CHD2: variants seen among roughly 807,000 people sequenced by gnomAD.
CHD2 encodes chromodomain helicase DNA binding protein 2, also known as ATP-dependent chromatin remodeler CHD2.
In CHD2, 28 loss-of-function variants were observed where a neutral mutation model predicts 243.9. The ratio of observed to expected loss-of-function variants is 0.11; its 90% CI spans 0.09 to 0.16. CHD2 has a LOEUF of 0.16. Among genes scored for constraint, CHD2 ranks in the 10% least tolerant of loss-of-function variants. The pLI is 1.00. For synonymous variants in CHD2, 775 were observed against 779.0 expected (o/e 0.99, Z 0.09); for missense variants, 1,386 against 2,209.8 (o/e 0.63, Z 7.47).
chr15:92,962,672 G>A (rs902774780), intron 16 of CHD2, among the ~76,000 whole-genome samples: 12 of 150,392 alleles, frequency 8.0e-5, no homozygotes, highest in Admixed American at 7.3e-4. Flanking sequence ...TGTTAATGGT[G>A]TTGTTCAAGA....
intron 32 of CHD2, among the ~76,000 whole-genome samples, chr15:93,001,673 C>T (rs1426949996): frequency 6.6e-6 from 1 of 152,172 alleles, no homozygotes; most frequent in Admixed American, 6.5e-5. Flanking sequence ...CCTGCCACCA[C>T]ACCTGGCTAG....
chr15:92,992,968 G>A lies in CHD2; in HGVS notation c.3565G>A (p.Glu1189Lys). ...NSCVSAMQEYEEQLKENASEG... is the reference protein window; with the variant it reads ...NSCVSAMQEYKEQLKENASEG... ...CTGTGTGTCAGCAATGCAGGAATAC[G>A]AAGAGCAGCTGAAAGAAAATGCCAG... The change falls in exon 28 of 39, where the codon GAA becomes AAA. Residue 1189 changes from glutamate (E) to lysine (K), a missense_variant. This residue lies in a region of CHD2 where 99 missense variants were observed against 176.9 expected (regional missense o/e 0.56). Coordinates refer to ENST00000394196, the MANE Select transcript of CHD2 (RefSeq NM_001271.4). 6.2e-7 allele frequency: 1 copy of A among 1,613,954 alleles called. No homozygotes were observed.
At chr15:92,992,175 A>G (rs1033064442) in intron 27 of CHD2, among the ~76,000 whole-genome samples, 2 of 152,196 alleles carry the variant, frequency 1.3e-5, no homozygotes, top group Non-Finnish European at 2.9e-5. Context: ...TGAAAATTAC[A>G]AGCCTGTTTT....
intron 2 of CHD2, among the ~76,000 whole-genome samples, chr15:92,913,080 T>C (rs1209233361): frequency 6.6e-6 from 1 of 152,230 alleles, no homozygotes; most frequent in Non-Finnish European, 1.5e-5. Flanking sequence ...GGGTGCTTGT[T>C]CAACATATTC....
At chr15:92,943,149 C>A in intron 9 of CHD2, 81 bp downstream of exon 9, 1 of 1,069,438 alleles carries the variant, frequency 9.4e-7, no homozygotes, top group South Asian at 1.5e-5. Flanking sequence ...ATGGAGATCA[C>A]AGCTATCTAG....
At chr15:92,932,443 T>TCCCCCCCCCCCC (rs11309319) in intron 5 of CHD2, among the ~76,000 whole-genome samples, 2 of 103,292 alleles carry the variant, frequency 1.9e-5, no homozygotes, top group Non-Finnish European at 3.8e-5. Context: ...CCCTTCCCCC[T>TCCCCCCCCCCCC]CCCCCCCACC....
intron 25 of CHD2, 140 bp downstream of exon 25, chr15:92,984,640 TAAC>T (rs2054018250): frequency 2.8e-6 from 2 of 718,658 alleles, no homozygotes; most frequent in Non-Finnish European, 4.0e-6. Context: ...GTAGGAAACT[TAAC>T]AAAGGAAAGT....
Position 92,998,076 on chromosome 15 carries a change from T to A in CHD2, c.3886-423T>A. ...TTGTTGTAGCAAGGAACAGATCATG[T>A]CCTGGCGTAGCTCAGTGCTCTCCGG... On this transcript the variant is annotated intron_variant, in intron 30 of 38. Transcript: ENST00000394196. This position sits in a 1 kb window ranked among gnomAD's most constrained non-coding sequence, Gnocchi z 5.1. The A allele has an allele frequency of 1.9e-6, 1 of 539,906 alleles. No homozygotes were observed. The highest frequency in any genetic ancestry group is 2.4e-6 in the Non-Finnish European group (1 of 418,670). 33.4% of individuals were successfully genotyped at this position (539,906 alleles called of 1,614,324 possible). A position where few individuals can be genotyped will look rare whatever the true frequency, so the allele number is the denominator to read the frequency against.
At chr15:92,928,280 T>C (rs894132584) in intron 4 of CHD2, among the ~76,000 whole-genome samples, 4 of 152,262 alleles carry the variant, frequency 2.6e-5, no homozygotes, top group African/African-American at 9.6e-5. Context: ...TACTGAGCCA[T>C]GTTTGTTAAA....
chr15:92,915,162 A>G (rs537221208), intron 2 of CHD2, among the ~76,000 whole-genome samples: 85 of 152,324 alleles, frequency 5.6e-4, no homozygotes, highest in Middle Eastern at 3.4e-3. Flanking sequence ...TGCTGAGAGC[A>G]CTGCTGAATC....
At chr15:92,910,146 A>ACAGG (rs1254467238) in intron 2 of CHD2, among the ~76,000 whole-genome samples, 4 of 152,194 alleles carry the variant, frequency 2.6e-5, no homozygotes, top group African/African-American at 9.6e-5. Flanking sequence ...AGCTGGGACT[A>ACAGG]CAGGCACATG....
chr15:92,909,783 C>T (rs2052694132), intron 2 of CHD2, among the ~76,000 whole-genome samples: 2 of 151,918 alleles, frequency 1.3e-5, no homozygotes, highest in African/African-American at 4.8e-5. Context: ...TCCGAAAGTG[C>T]TGGGATTACA....
rs1369648225 is a variant in CHD2, at chr15:93,003,389, A to G, written c.4278+1072A>G. Among the ~76,000 whole-genome samples the G allele has an allele frequency of 2.6e-5, 4 of 152,036 alleles. No homozygotes were observed. In the East Asian group the frequency reaches 5.8e-4, roughly 22 times the overall value. ...ATTTCCCATTTTGAAATACTTTCTA[A>G]TTTTTGATGTTAATAGACCATACTG... On this transcript the variant is annotated intron_variant, in intron 33 of 38. Transcript: ENST00000394196.
rs2053325669 is a variant in CHD2, at chr15:92,939,672, G to A, written c.646G>A (p.Glu216Lys). ...DSSDEDDDDD[E>K]APKRQTRRRA... ...TTCTGATGAGGATGATGATGATGAC[G>A]AAGCTCCCAAAAGGCAGACTCGTCG... Residue 216 changes from glutamate (E) to lysine (K), a missense_variant, in exon 7 of 39, where the codon GAA becomes AAA. Glu to Lys is a moderately conservative substitution (Grantham distance 56). Coordinates refer to ENST00000394196, the MANE Select transcript of CHD2 (RefSeq NM_001271.4). 3 of 1,614,096 alleles carry A rather than the reference G, an allele frequency of 1.9e-6. No individual in the cohort carries two copies. The highest frequency in any genetic ancestry group is 2.5e-6 in the Non-Finnish European group (3 of 1,180,022).
intron 32 of CHD2, among the ~76,000 whole-genome samples, chr15:93,001,648 C>A (rs1375870882): frequency 6.6e-6 from 1 of 152,062 alleles, no homozygotes; most frequent in Admixed American, 6.6e-5. Flanking sequence ...TCCCAAATAG[C>A]TAGGATTACA....
chr15:93,007,102 C>T (rs1324467711), intron 34 of CHD2, among the ~76,000 whole-genome samples: 1 of 152,184 alleles, frequency 6.6e-6, no homozygotes, highest in Non-Finnish European at 1.5e-5. Context: ...TACACATCTG[C>T]CACTTTATTA....
chr15:93,021,991 C>G (rs1162091033), intron 38 of CHD2: 2 of 152,140 alleles, frequency 1.3e-5, no homozygotes, highest in Non-Finnish European at 2.9e-5. Context: ...TTTCCTTTTT[C>G]AGGTCTTGCT....
chr15:92,925,363 T>C (rs1373349278), intron 3 of CHD2, among the ~76,000 whole-genome samples: 1 of 152,218 alleles, frequency 6.6e-6, no homozygotes, highest in African/African-American at 2.4e-5. Context: ...AGATTTTTCA[T>C]GGAGGAGTTG....
intron 16 of CHD2, among the ~76,000 whole-genome samples, chr15:92,964,553 C>A (rs2053730922): frequency 1.3e-5 from 2 of 152,200 alleles, no homozygotes; most frequent in Admixed American, 6.5e-5. Flanking sequence ...ATGTTACAGG[C>A]TATTGTTTCA....
Sources: allele counts gnomAD v4.1 joint callset (sites outside exome capture counted in the v4.1 genomes callset), GRCh38; gene constraint gnomAD v4.1.1; regional missense constraint gnomAD v4.1.1; non-coding constraint Gnocchi (gnomAD v3.1); transcripts MANE v1.5; gene names NCBI Gene and HGNC (gene_info 2026-07-23, HGNC 2026-07-21).